The following NBAS variants were observed in gnomAD, a reference collection of about 807,000 sequenced individuals.
NBAS encodes the protein NAG/BC035112 fusion.
Under a neutral mutation model 302.5 loss-of-function variants are expected in NBAS, and 219 were observed. The ratio of observed to expected loss-of-function variants is 0.72; its 90% CI spans 0.65 to 0.81. The LOEUF (loss-of-function observed/expected upper bound fraction) is 0.81, where lower values mean the gene tolerates loss of function less well. NBAS is among the 30% of genes least tolerant of loss of function. The pLI is 0.00. For synonymous variants in NBAS, 1,118 were observed against 1,021.6 expected (o/e 1.09, Z -1.80); for missense variants, 2,932 against 2,841.6 (o/e 1.03, Z -0.72).
intron 44 of NBAS, among the ~76,000 whole-genome samples, chr2:15,255,636 A>G (rs1558479262): frequency 1.3e-5 from 2 of 152,168 alleles, no homozygotes; most frequent in African/African-American, 4.8e-5. Context: ...TCCAATGTCT[A>G]GAAGAGTTTT....
the NBAS span, among the ~76,000 whole-genome samples, chr2:15,136,878 T>C: frequency 3.9e-5 from 6 of 152,222 alleles, no homozygotes; most frequent in Non-Finnish European, 7.3e-5. Flanking sequence ...CCTGCTGCCA[T>C]GTAAGACGTG....
intron 42 of NBAS, among the ~76,000 whole-genome samples, chr2:15,283,315 T>C (rs570677002): frequency 6.6e-6 from 1 of 152,260 alleles, no homozygotes; most frequent in African/African-American, 2.4e-5. Flanking sequence ...TATAGTTTGA[T>C]TGCATGCCCA....
the NBAS span, among the ~76,000 whole-genome samples, chr2:14,930,205 T>C: frequency 0.11 from 16,549 of 152,176 alleles, 990 homozygotes; most frequent in African/African-American, 0.15. Flanking sequence ...TTTCCTCCTA[T>C]TCCTGTCCTC....
chr2:15,351,584 A>G (rs998752262), intron 35 of NBAS, among the ~76,000 whole-genome samples: 2 of 152,062 alleles, frequency 1.3e-5, no homozygotes, highest in African/African-American at 2.4e-5. Flanking sequence ...AAGCTGAGGC[A>G]GGGGAATTGC....
chr2:14,986,612 A>T, the NBAS span, among the ~76,000 whole-genome samples: 1 of 152,144 alleles, frequency 6.6e-6, no homozygotes, highest in African/African-American at 2.4e-5. Flanking sequence ...ATGCACACTT[A>T]AAGAAATTGA....
rs776598988 is a variant in NBAS, at chr2:15,167,154, GCCT to G, written c.7007_7009del (p.Glu2336del). The G allele has an allele frequency of 1.9e-6, 3 of 1,614,244 alleles. No homozygotes were observed. The Admixed American group carries it at 5.0e-5, about 27-fold the overall frequency. The stretch of plus-strand genomic sequence containing the variant: ...AGACCCGGCTTCGGCTTCATGGCCG[GCCT>G]CCCGCAGGTGTCTGCCCAGCTCCTC... On this transcript the variant is annotated inframe_deletion, in exon 52 of 52. Coordinates refer to ENST00000281513, the MANE Select transcript of NBAS (RefSeq NM_015909.4).
chr2:14,871,688 TATA>T, the NBAS span, among the ~76,000 whole-genome samples: 1 of 152,128 alleles, frequency 6.6e-6, no homozygotes, highest in Non-Finnish European at 1.5e-5. Flanking sequence ...ATAGACTGTA[TATA>T]ATATGTTGTA....
intron 5 of NBAS, among the ~76,000 whole-genome samples, chr2:15,552,930 G>A (rs1039566321): frequency 2.0e-5 from 3 of 151,700 alleles, no homozygotes; most frequent in Non-Finnish European, 2.9e-5. Flanking sequence ...TCAGCCTCCC[G>A]AATAGCTGGG....
chr2:15,351,249 C>A (rs1572702310), intron 35 of NBAS, among the ~76,000 whole-genome samples: 1 of 152,070 alleles, frequency 6.6e-6, no homozygotes, highest in East Asian at 1.9e-4. Context: ...ACAGGTAAAA[C>A]TAAACTATCA....
chr2:14,906,112 C>CAGT, the NBAS span, among the ~76,000 whole-genome samples: 7 of 151,914 alleles, frequency 4.6e-5, no homozygotes, highest in South Asian at 2.1e-4. Context: ...GCAGCAGCAG[C>CAGT]AGTAGTAGTA....
rs201619267 is a variant in NBAS at position 15,494,287 on chromosome 2, C to A, written c.955-5265G>T. Among the ~76,000 whole-genome samples the A allele has an allele frequency of 3.9e-5, 6 of 152,328 alleles. No homozygotes were observed. In the East Asian group the frequency reaches 1.2e-3, roughly 29 times the overall value. ...CCACTAGTAGTTATGTGACCACAGG[C>A]ACATTAGTTAACTATCATAAGTAAC... On this transcript the variant is annotated intron_variant, in intron 11 of 51. Transcript: ENST00000281513.
At chr2:14,895,631 TG>T in the NBAS span, among the ~76,000 whole-genome samples, 2 of 149,616 alleles carry the variant, frequency 1.3e-5, no homozygotes, top group Non-Finnish European at 3.0e-5. Context: ...CCCAGCTACT[TG>T]GGGAGGCTGA....
the NBAS span, among the ~76,000 whole-genome samples, chr2:15,001,799 G>C: frequency 6.6e-6 from 1 of 152,150 alleles, no homozygotes; most frequent in Non-Finnish European, 1.5e-5. Flanking sequence ...TGGCTCAGGA[G>C]TGAAGCTGCA....
In NBAS at chr2:15,362,154, C is replaced by T. The variant is rs527969201; in HGVS notation, c.3817+4426G>A. 7.3e-5 allele frequency among the ~76,000 whole-genome samples: 11 copies of T among 151,342 alleles called. 1 individual carries two copies. The South Asian group carries it at 1.5e-3, about 20-fold the overall frequency. On this transcript the variant is annotated intron_variant, in intron 32 of 51. Coordinates refer to ENST00000281513, the MANE Select transcript of NBAS (RefSeq NM_015909.4). The stretch of plus-strand genomic sequence containing the variant: ...TGTACTTCATAAGTTTAAATAAAAT[C>T]CAAGGCAAGTATTGGCCCAATCTAT...
chr2:15,118,349 C>T, the NBAS span, among the ~76,000 whole-genome samples: 1 of 152,276 alleles, frequency 6.6e-6, no homozygotes, highest in African/African-American at 2.4e-5. Flanking sequence ...GGCAAAGCAG[C>T]TTTGTTCTCA....
At chr2:14,872,534 C>T in the NBAS span, among the ~76,000 whole-genome samples, 440 of 152,246 alleles carry the variant, frequency 2.9e-3, 3 homozygotes, top group African/African-American at 0.01. Flanking sequence ...GAGTTTGTTC[C>T]TTCTGATATT....
intron 39 of NBAS, among the ~76,000 whole-genome samples, 172 bp downstream of exon 39, chr2:15,308,999 C>A (rs530949644): frequency 1.3e-5 from 2 of 151,032 alleles, no homozygotes; most frequent in African/African-American, 4.9e-5. Context: ...TGCACATGTA[C>A]CCTAAAACTT....
the NBAS span, among the ~76,000 whole-genome samples, chr2:15,079,721 T>A: frequency 6.6e-6 from 1 of 152,066 alleles, no homozygotes; most frequent in Non-Finnish European, 1.5e-5. Context: ...CTCCCCTGGG[T>A]TTCTGCAGCC....
At chr2:15,164,798 G>C (rs760884552), downstream of NBAS, among the ~76,000 whole-genome samples, 2 of 152,224 alleles carry the variant, frequency 1.3e-5, no homozygotes, top group Non-Finnish European at 2.9e-5. Flanking sequence ...TGATTCTTGA[G>C]TGAATTATTT....
Sources: allele counts gnomAD v4.1 joint callset (sites outside exome capture counted in the v4.1 genomes callset), GRCh38; gene constraint gnomAD v4.1.1; transcripts MANE v1.5; gene names NCBI Gene and HGNC (gene_info 2026-07-23, HGNC 2026-07-21).